AGPS: variants seen among roughly 807,000 people sequenced by gnomAD.
The protein encoded by AGPS is alkyldihydroxyacetonephosphate synthase, peroxisomal.
A neutral mutation model predicts 90.7 loss-of-function variants in AGPS; 26 were observed. The ratio of observed to expected loss-of-function variants is 0.29; its 90% CI spans 0.21 to 0.40. The LOEUF (loss-of-function observed/expected upper bound fraction) is 0.40. Among genes scored for constraint, AGPS ranks in the 10% least tolerant of loss-of-function variants. The pLI, the probability that AGPS is intolerant of heterozygous loss-of-function variation, is 1.00. For missense variants in AGPS, 540 were observed against 816.1 expected, an observed-to-expected ratio of 0.66 and a Z score of 4.12; for synonymous variants, 294 against 285.3, an observed-to-expected ratio of 1.03 and a Z score of -0.31.
chr2:177,485,935 A>G lies in AGPS; in HGVS notation c.1233+3749A>G, dbSNP rs1480707387. 4.6e-5 allele frequency among the ~76,000 whole-genome samples: 7 copies of G among 152,178 alleles called. No homozygotes were observed. The South Asian group carries it at 1.5e-3, about 32-fold the overall frequency. On this transcript the variant is annotated intron_variant, in intron 11 of 19. Transcript: ENST00000264167. Reference sequence around the variant, plus strand: ...CTATCTCAAAAAACAAACAAAAAAAACTGTATTAGCTATATATCTTGGAAC... The same window carrying G: ...CTATCTCAAAAAACAAACAAAAAAAGCTGTATTAGCTATATATCTTGGAAC...
intron 18 of AGPS, among the ~76,000 whole-genome samples, chr2:177,522,754 G>A (rs1465769214): frequency 4.6e-5 from 7 of 152,020 alleles, no homozygotes; most frequent in Admixed American, 3.3e-4. Flanking sequence ...GCACACAGCC[G>A]AGGGTTCTTA....
At chr2:177,511,089 T>C (rs1269120042) in intron 16 of AGPS, among the ~76,000 whole-genome samples, 1 of 152,166 alleles carries the variant, frequency 6.6e-6, no homozygotes, top group Non-Finnish European at 1.5e-5. Context: ...GTTGGAGATA[T>C]ACATTTTTTG....
chr2:177,504,878 TTATA>T (rs1688664862), intron 14 of AGPS, among the ~76,000 whole-genome samples: 2 of 152,096 alleles, frequency 1.3e-5, no homozygotes, highest in South Asian at 4.1e-4. Flanking sequence ...TTGGACTGAA[TTATA>T]TATTTGTATG....
chr2:177,535,127 G>C (rs1484972021), intron 19 of AGPS, among the ~76,000 whole-genome samples: 5 of 152,036 alleles, frequency 3.3e-5, no homozygotes, highest in Non-Finnish European at 1.5e-5. Flanking sequence ...GAATATGTTG[G>C]GTCAGTAGCT....
At chr2:177,447,875 T>C (rs1051714531) in intron 8 of AGPS, among the ~76,000 whole-genome samples, 1 of 152,160 alleles carries the variant, frequency 6.6e-6, no homozygotes, top group Non-Finnish European at 1.5e-5. Context: ...TGGCTTTTCT[T>C]TCTGCAAGCT....
chr2:177,523,415 C>T (rs578035601), intron 18 of AGPS, among the ~76,000 whole-genome samples: 51 of 152,214 alleles, frequency 3.4e-4, no homozygotes, highest in African/African-American at 1.1e-3. Context: ...GAGAGATGTT[C>T]GTTACTAAGT....
intron 1 of AGPS, among the ~76,000 whole-genome samples, chr2:177,394,970 C>T (rs1314389367): frequency 2.0e-5 from 3 of 151,920 alleles, no homozygotes; most frequent in African/African-American, 7.2e-5. Flanking sequence ...TGAGAAAATG[C>T]TAGGAGGTAA....
At chr2:177,460,267 A>G (rs1687253640) in intron 8 of AGPS, among the ~76,000 whole-genome samples, 2 of 152,306 alleles carry the variant, frequency 1.3e-5, no homozygotes, top group African/African-American at 4.8e-5. Context: ...ATACCTATGT[A>G]ACAAAACTGC....
chr2:177,484,746 A>C (rs1431053319), intron 11 of AGPS, among the ~76,000 whole-genome samples: 1 of 152,012 alleles, frequency 6.6e-6, no homozygotes, highest in East Asian at 1.9e-4. Context: ...TTTTATGAAA[A>C]AAAATATGAA....
At chr2:177,432,851 G>A (rs573928810) in intron 2 of AGPS, among the ~76,000 whole-genome samples, 11 of 152,300 alleles carry the variant, frequency 7.2e-5, no homozygotes, top group Non-Finnish European at 1.2e-4. Flanking sequence ...AAGGGGAAGG[G>A]GAGCTGGTAT....
chr2:177,526,126 G>T (rs1207750964), intron 19 of AGPS, among the ~76,000 whole-genome samples: 1 of 151,240 alleles, frequency 6.6e-6, no homozygotes, highest in African/African-American at 2.4e-5. Flanking sequence ...TCAATTCACA[G>T]AAATAAAAGT....
At chr2:177,535,266 T>C (rs2079173573) in intron 19 of AGPS, among the ~76,000 whole-genome samples, 1 of 152,208 alleles carries the variant, frequency 6.6e-6, no homozygotes, top group African/African-American at 2.4e-5. Flanking sequence ...AGGCCACCTG[T>C]TATTTGCTGT....
chr2:177,448,575 G>A (rs1222957360), intron 8 of AGPS, among the ~76,000 whole-genome samples: 8 of 152,226 alleles, frequency 5.3e-5, no homozygotes, highest in South Asian at 2.1e-4. Flanking sequence ...TTCTGTAGCC[G>A]CCTTCTTCTC....
chr2:177,489,327 G>T (rs556234667), intron 11 of AGPS, among the ~76,000 whole-genome samples: 1 of 151,928 alleles, frequency 6.6e-6, no homozygotes, highest in African/African-American at 2.4e-5. Context: ...CTCGTGATCC[G>T]CCTGCCTCGG....
chr2:177,469,171 A>G (rs1440796525), intron 10 of AGPS, among the ~76,000 whole-genome samples: 1 of 152,056 alleles, frequency 6.6e-6, no homozygotes, highest in East Asian at 1.9e-4. Flanking sequence ...ACATGGGCTT[A>G]TTTTTCAATT....
intron 1 of AGPS, among the ~76,000 whole-genome samples, chr2:177,396,648 A>G (rs556913017): frequency 1.3e-5 from 2 of 152,340 alleles, no homozygotes; most frequent in African/African-American, 4.8e-5. Flanking sequence ...TTGTAACACA[A>G]TAGGCGAGAA....
At chr2:177,420,205 A>T in intron 1 of AGPS, 64 bp from the exon 2 acceptor site, 3 of 1,013,722 alleles carry the variant, frequency 3.0e-6, no homozygotes, top group Non-Finnish European at 4.7e-6. Context: ...ATAATCAATG[A>T]TATACTGTAC....
intron 1 of AGPS, among the ~76,000 whole-genome samples, chr2:177,418,025 T>A (rs1685835938): frequency 1.3e-5 from 2 of 152,110 alleles, no homozygotes; most frequent in South Asian, 4.1e-4. Context: ...TAATTGTATA[T>A]GATTTATGCA....
chr2:177,430,269 G>T (rs1384749264), intron 2 of AGPS, among the ~76,000 whole-genome samples: 4 of 152,152 alleles, frequency 2.6e-5, no homozygotes, highest in Admixed American at 6.5e-5. Flanking sequence ...CAAGCCAGTG[G>T]GTCTTAACTT....
Sources: gnomAD v4.1 joint callset for allele counts (sites outside exome capture counted in the v4.1 genomes callset) on GRCh38, gnomAD v4.1.1 for gene constraint, MANE v1.5 for transcripts, NCBI Gene and HGNC (gene_info 2026-07-23, HGNC 2026-07-21) for gene names.